SMARCAD1: variants seen among roughly 807,000 people sequenced by gnomAD.
SMARCAD1 encodes the protein SWI/SNF-related matrix-associated actin-dependent regulator of chromatin subfamily A containing DEAD/H box 1.
SMARCAD1 carries 25 observed loss-of-function variants against 127.1 expected under a neutral mutation model. That is an observed-to-expected ratio of 0.20 (90% CI 0.14 to 0.27). SMARCAD1 has a LOEUF of 0.27. SMARCAD1 is among the 10% of genes least tolerant of loss of function. The probability of loss-of-function intolerance (pLI) is 1.00; values close to 1 mark genes in which losing one functional copy is unlikely to be tolerated. For missense variants in SMARCAD1, 807 were observed against 1,206.0 expected, an observed-to-expected ratio of 0.67 and a Z score of 4.90; for synonymous variants, 400 against 396.9, an observed-to-expected ratio of 1.01 and a Z score of -0.09.
intron 3 of SMARCAD1, among the ~76,000 whole-genome samples, chr4:94,226,507 A>ATTTTTTTTTTTTTTTTTT (rs60198579): frequency 8.9e-6 from 1 of 112,990 alleles, no homozygotes; most frequent in African/African-American, 3.5e-5. Flanking sequence ...GATAACAGTG[A>ATTTTTTTTTTTTTTTTTT]TTTTTTTTTT....
intron 8 of SMARCAD1, 79 bp from the exon 9 acceptor site, chr4:94,252,537 G>GT: frequency 2.0e-6 from 2 of 1,025,480 alleles, no homozygotes; most frequent in Non-Finnish European, 2.8e-6. Context: ...ATAGGTAAAT[G>GT]TTTTAAGTTT....
intron 22 of SMARCAD1, 54 bp from the exon 23 acceptor site, chr4:94,284,906 T>C: frequency 9.6e-7 from 1 of 1,040,270 alleles, no homozygotes; most frequent in Non-Finnish European, 1.5e-6. Flanking sequence ...AGTTTACATA[T>C]ATCCAAATAA....
At chr4:94,236,105 G>C (rs4693377) in intron 4 of SMARCAD1, among the ~76,000 whole-genome samples, 56,646 of 151,932 alleles carry the variant, frequency 0.37, 11,682 homozygotes, top group East Asian at 0.72. Flanking sequence ...CTAAGAATAT[G>C]CTTTGGCTAT....
intron 5 of SMARCAD1, among the ~76,000 whole-genome samples, chr4:94,239,349 T>C (rs1456258279): frequency 1.1e-5 from 1 of 88,634 alleles, no homozygotes; most frequent in Non-Finnish European, 2.2e-5. Flanking sequence ...GTTCCCATTG[T>C]TTCTTTTAAC....
intron 10 of SMARCAD1, among the ~76,000 whole-genome samples, chr4:94,269,872 A>G (rs1752292145): frequency 6.6e-6 from 1 of 151,692 alleles, no homozygotes; most frequent in Admixed American, 6.6e-5. Context: ...GCGTTTTGTC[A>G]ATGTTGCCCA....
chr4:94,273,491 T>G, intron 11 of SMARCAD1, 126 bp from the exon 12 acceptor site: 1 of 693,420 alleles, frequency 1.4e-6, no homozygotes, highest in Non-Finnish European at 2.5e-6. Context: ...AGAAATTCCT[T>G]TAGAGTTGCA....
intron 2 of SMARCAD1, among the ~76,000 whole-genome samples, chr4:94,219,512 C>T (rs532631304): frequency 3.3e-5 from 5 of 151,894 alleles, no homozygotes; most frequent in Admixed American, 1.3e-4. Context: ...GACTTAGATA[C>T]GAGAACGGGT....
At chr4:94,219,780 C>A (rs958701670) in intron 2 of SMARCAD1, among the ~76,000 whole-genome samples, 4 of 152,144 alleles carry the variant, frequency 2.6e-5, no homozygotes, top group African/African-American at 4.8e-5. Flanking sequence ...TCTCTCATTG[C>A]ACAAATTATG....
intron 3 of SMARCAD1, among the ~76,000 whole-genome samples, chr4:94,227,589 C>G (rs1745220889): frequency 6.6e-6 from 1 of 152,080 alleles, no homozygotes; most frequent in Non-Finnish European, 1.5e-5. Context: ...AAGGATCACC[C>G]TAAGATTTTT....
chr4:94,231,810 C>G lies in SMARCAD1; in HGVS notation c.369-2144C>G, dbSNP rs548056969. 2.0e-5 allele frequency among the ~76,000 whole-genome samples: 3 copies of G among 152,106 alleles called. No homozygotes were observed. The East Asian group carries it at 5.8e-4, about 29-fold the overall frequency. ...ATCTAGAATGGGCCACTCCCCTTTTCTGCTTCTCTAAAGAGATCAAGTCTT... is the reference window on the plus strand; with the variant it reads ...ATCTAGAATGGGCCACTCCCCTTTTGTGCTTCTCTAAAGAGATCAAGTCTT... On this transcript the variant is annotated intron_variant, in intron 3 of 23. Transcript: ENST00000354268.
chr4:94,252,755 A>G lies in SMARCAD1; in HGVS notation c.1029A>G (p.Lys343=). The change falls in exon 9 of 24, where the codon AAA becomes AAG. Residue 343 remains lysine (K), a synonymous_variant. Coordinates refer to ENST00000354268, the MANE Select transcript of SMARCAD1 (RefSeq NM_020159.5). Reference sequence around the variant, plus strand: ...AAGCACAAAATGGCTTTAACAAGAAACGTAAAAAAAATGTTTTTAATCCAA... The same window carrying G: ...AAGCACAAAATGGCTTTAACAAGAAGCGTAAAAAAAATGTTTTTAATCCAA... ...SMKAQNGFNK[K]RKKNVFNPKR... 1.9e-6 allele frequency: 3 copies of G among 1,609,390 alleles called. No individual in the cohort carries two copies. The highest frequency in any genetic ancestry group is 1.7e-6 in the Non-Finnish European group (2 of 1,178,778).
intron 2 of SMARCAD1, among the ~76,000 whole-genome samples, chr4:94,212,092 T>G (rs1742360795): frequency 6.6e-6 from 1 of 152,220 alleles, no homozygotes; most frequent in African/African-American, 2.4e-5. Flanking sequence ...TGGCTTGTCG[T>G]AGGCCCTCAA....
At chr4:94,277,230 C>G (rs1753431262) in intron 16 of SMARCAD1, 71 bp downstream of exon 16, 2 of 1,561,534 alleles carry the variant, frequency 1.3e-6, no homozygotes, top group Non-Finnish European at 1.8e-6. Flanking sequence ...TCTGTTAGGT[C>G]TCTTTTGTTG....
At chr4:94,262,417 G>A (rs890773809) in intron 9 of SMARCAD1, among the ~76,000 whole-genome samples, 25 of 152,106 alleles carry the variant, frequency 1.6e-4, no homozygotes, top group Non-Finnish European at 8.8e-5. Context: ...GTTTCTCCGT[G>A]TCCAACACAG....
intron 2 of SMARCAD1, among the ~76,000 whole-genome samples, chr4:94,211,426 G>C (rs1174254625): frequency 1.3e-5 from 2 of 152,196 alleles, no homozygotes; most frequent in South Asian, 2.1e-4. Context: ...TTTAAGGTCA[G>C]GACTGGAGAT....
rs779461963 is a variant in SMARCAD1, at chr4:94,289,671, G to A, written c.*137G>A. 11 of 913,724 alleles carry A rather than the reference G, an allele frequency of 1.2e-5. No homozygotes were observed. In the South Asian group the frequency reaches 1.5e-4, roughly 12 times the overall value. The allele number at this position is 913,724 out of a possible 1,614,324, so 56.6% of individuals were successfully genotyped here. On this transcript the variant is annotated 3_prime_UTR_variant, in exon 24 of 24. Transcript: ENST00000354268. ...TCCATATTACATTTCTCATAGTATG[G>A]ACAACTTTTTGCCACTAACTGAATT... is the stretch of plus-strand genomic sequence containing the variant.
chr4:94,257,387 CT>C (rs1750267812), intron 9 of SMARCAD1, among the ~76,000 whole-genome samples: 1 of 152,134 alleles, frequency 6.6e-6, no homozygotes, highest in African/African-American at 2.4e-5. Flanking sequence ...GCAGGATCAT[CT>C]TTTCTGTGGT....
intron 6 of SMARCAD1, among the ~76,000 whole-genome samples, chr4:94,247,838 T>G (rs984151539): frequency 3.3e-5 from 5 of 152,176 alleles, no homozygotes; most frequent in Admixed American, 3.3e-4. Context: ...GTTTTATTTG[T>G]TTTTTCTTTT....
At chr4:94,212,258 T>C (rs1349936669) in intron 2 of SMARCAD1, among the ~76,000 whole-genome samples, 2 of 152,174 alleles carry the variant, frequency 1.3e-5, no homozygotes, top group Non-Finnish European at 2.9e-5. Flanking sequence ...CACTGCAACC[T>C]CTACCTCCTG....
Sources: allele counts gnomAD v4.1 joint callset (sites outside exome capture counted in the v4.1 genomes callset), GRCh38; gene constraint gnomAD v4.1.1; transcripts MANE v1.5; gene names NCBI Gene and HGNC (gene_info 2026-07-23, HGNC 2026-07-21).